Variants in EML6 observed in about 807,000 individuals in gnomAD.
EML6 encodes the protein echinoderm microtubule-associated protein-like 6.
EML6 carries 154 observed loss-of-function variants against 240.1 expected under a neutral mutation model. That is an observed-to-expected ratio of 0.64 (90% CI 0.56 to 0.73). The LOEUF is 0.73. Among genes scored for constraint, EML6 ranks in the 30% least tolerant of loss-of-function variants. The probability of loss-of-function intolerance (pLI) is 0.00; values close to 1 mark genes in which losing one functional copy is unlikely to be tolerated. For missense variants in EML6, 2,964 were observed against 2,474.6 expected (o/e 1.20, Z -4.20); for synonymous variants, 1,148 against 899.0 (o/e 1.28, Z -4.95).
chr2:54,833,540 C>T (rs1415185986), intron 7 of EML6, among the ~76,000 whole-genome samples: 1 of 152,176 alleles, frequency 6.6e-6, no homozygotes, highest in African/African-American at 2.4e-5. Context: ...TTAGGTTAAG[C>T]GTGAATGATT....
chr2:54,817,928 A>G (rs552068788), intron 4 of EML6, among the ~76,000 whole-genome samples: 20 of 152,178 alleles, frequency 1.3e-4, no homozygotes, highest in Non-Finnish European at 2.8e-4. Flanking sequence ...GTGACCAACA[A>G]TAGAACCTCA....
intron 26 of EML6, among the ~76,000 whole-genome samples, chr2:54,922,788 C>T (rs1674327494): frequency 6.6e-6 from 1 of 152,084 alleles, no homozygotes; most frequent in Non-Finnish European, 1.5e-5. Flanking sequence ...TGAGATGAGC[C>T]AGGCACAGAA....
At chr2:54,882,874 A>AAAAAAAAAAAC in intron 17 of EML6, 1 of 125,534 alleles carries the variant, frequency 8.0e-6, no homozygotes, top group South Asian at 2.5e-4. Flanking sequence ...AAAAAAAAAA[A>AAAAAAAAAAAC]GAAAGCTTAG....
chr2:54,923,051 C>T (rs948255079), intron 26 of EML6, among the ~76,000 whole-genome samples: 8 of 148,944 alleles, frequency 5.4e-5, no homozygotes, highest in Non-Finnish European at 8.9e-5. Context: ...AACCGATTCT[C>T]CTGCCTCAGC....
intron 26 of EML6, 71 bp downstream of exon 26, chr2:54,917,006 A>G: frequency 1.6e-6 from 2 of 1,213,498 alleles, no homozygotes; most frequent in African/African-American, 1.5e-5. Flanking sequence ...ATCTAAGTGC[A>G]TTTTTAAAAA....
At position 54,724,986 on chromosome 2, in the gene EML6, G is replaced by A. The variant is rs1231546532; in HGVS notation, c.-76G>A. On this transcript the variant is annotated 5_prime_UTR_variant, in exon 2 of 42. Coordinates refer to ENST00000356458, the MANE Select transcript of EML6 (RefSeq NM_001039753.4). This position sits in a 1 kb window ranked among gnomAD's most constrained non-coding sequence, Gnocchi z 5.2. ...TGCGCCGCGCGCTGAGCCCCTGCAG[G>A]TCCGCCGCAGCCCCAGCCTCGGCGA... 32 of 1,262,626 alleles carry A rather than the reference G, an allele frequency of 2.5e-5. No individual in the cohort carries two copies. The highest frequency in any genetic ancestry group is 1.7e-4 in the East Asian group (5 of 29,704). 78.2% of individuals were successfully genotyped at this position (1,262,626 alleles called of 1,614,324 possible).
At chr2:54,770,833 C>G (rs1441645503) in intron 2 of EML6, among the ~76,000 whole-genome samples, 2 of 152,086 alleles carry the variant, frequency 1.3e-5, no homozygotes, top group East Asian at 3.9e-4. Context: ...TTCTTAGTAT[C>G]CTCTGCTGAA....
chr2:54,837,356 A>G (rs1549839), intron 7 of EML6, among the ~76,000 whole-genome samples: 2 of 152,122 alleles, frequency 1.3e-5, no homozygotes, highest in Admixed American at 1.3e-4. Flanking sequence ...CAAACTTTCT[A>G]TGCTGTTATT....
rs1385470208 is a variant in EML6 at position 54,952,589 on chromosome 2, C to T, written c.4214-5C>T. 4 of 1,547,580 alleles carry T rather than the reference C, an allele frequency of 2.6e-6. No homozygotes were observed. Among genetic ancestry groups the T allele is most frequent in the East Asian group, 2.4e-5 (1 of 40,870 alleles). On this transcript the variant is annotated splice_polypyrimidine_tract_variant and splice_region_variant and intron_variant, in intron 30 of 41. Coordinates refer to ENST00000356458, the MANE Select transcript of EML6 (RefSeq NM_001039753.4). ...GTTCACCCTCCCATGATCTCTCTCC[C>T]CCAGGGAGCCAGAGCTTCTATCTGG... is the stretch of plus-strand genomic sequence containing the variant.
chr2:54,857,274 G>T (rs762194501), intron 11 of EML6, among the ~76,000 whole-genome samples: 3 of 152,086 alleles, frequency 2.0e-5, no homozygotes, highest in Non-Finnish European at 4.4e-5. Flanking sequence ...TGGCAGTCAC[G>T]TTGACAGCAC....
At chr2:54,786,781 C>T (rs1038152791) in intron 2 of EML6, among the ~76,000 whole-genome samples, 2 of 152,192 alleles carry the variant, frequency 1.3e-5, no homozygotes, top group Admixed American at 1.3e-4. Flanking sequence ...CTCTAAAGCC[C>T]AGGTTAAAGT....
At chr2:54,729,765 G>T (rs998088732) in intron 2 of EML6, among the ~76,000 whole-genome samples, 8 of 152,164 alleles carry the variant, frequency 5.3e-5, no homozygotes, top group Non-Finnish European at 8.8e-5. Flanking sequence ...ATCCTCTGTT[G>T]GTCTATAAAC....
At chr2:54,839,906 A>G (rs1417219857) in intron 7 of EML6, among the ~76,000 whole-genome samples, 11 of 152,246 alleles carry the variant, frequency 7.2e-5, no homozygotes, top group Non-Finnish European at 1.0e-4. Flanking sequence ...GAGAGGATAT[A>G]TAGATATATA....
chr2:54,789,660 A>G (rs1466160089), intron 2 of EML6, among the ~76,000 whole-genome samples: 1 of 151,784 alleles, frequency 6.6e-6, no homozygotes, highest in Non-Finnish European at 1.5e-5. Flanking sequence ...TGTGCCAGAT[A>G]CTGTATTGGA....
intron 21 of EML6, 47 bp from the exon 22 acceptor site, chr2:54,899,594 C>T: frequency 6.5e-7 from 1 of 1,527,440 alleles, no homozygotes; most frequent in Non-Finnish European, 8.8e-7. Flanking sequence ...AAGGGCTAGC[C>T]AAACAGCATA....
chr2:54,965,341 A>G (rs934047117), intron 38 of EML6, among the ~76,000 whole-genome samples: 6 of 152,168 alleles, frequency 3.9e-5, no homozygotes, highest in Non-Finnish European at 7.3e-5. Context: ...TCATTCAACT[A>G]TTTGCTGAAC....
chr2:54,782,666 ATT>A (rs11389809), intron 2 of EML6, among the ~76,000 whole-genome samples: 2 of 143,972 alleles, frequency 1.4e-5, no homozygotes, highest in African/African-American at 2.6e-5. Flanking sequence ...ACCTACTTGT[ATT>A]TTTTTTTTTT....
intron 2 of EML6, among the ~76,000 whole-genome samples, chr2:54,780,860 A>G (rs1328896122): frequency 6.6e-6 from 1 of 152,214 alleles, no homozygotes; most frequent in Non-Finnish European, 1.5e-5. Flanking sequence ...AGTATAATAG[A>G]TGGTTCATTC....
rs201107064 is a variant in EML6 at position 54,952,658 on chromosome 2, C to A, written c.4278C>A (p.Pro1426=). 2.7e-4 allele frequency: 426 copies of A among 1,551,262 alleles called. 1 individual carries two copies. Among genetic ancestry groups the A allele is most frequent in the Admixed American group, 3.5e-4 (18 of 50,982 alleles). ...DILCLTVNQH[P]KYRNVVATSQ... ...TCTGTCTCACAGTGAACCAGCACCC[C>A]AAGTACAGAAACGTGGTGGCCACCA... Residue 1426 remains proline, a synonymous_variant, in exon 31 of 42, where the codon CCC becomes CCA. Coordinates refer to ENST00000356458, the MANE Select transcript of EML6 (RefSeq NM_001039753.4).
Sources: allele counts gnomAD v4.1 joint callset (sites outside exome capture counted in the v4.1 genomes callset), GRCh38; gene constraint gnomAD v4.1.1; non-coding constraint Gnocchi (gnomAD v3.1); transcripts MANE v1.5; gene names NCBI Gene and HGNC (gene_info 2026-07-23, HGNC 2026-07-21).